The following FANCC variants were observed in gnomAD, a reference collection of about 807,000 sequenced individuals.
FANCC encodes the protein FA complementation group C.
A neutral mutation model predicts 71.3 loss-of-function variants in FANCC; 55 were observed. The ratio of observed to expected loss-of-function variants is 0.77; its 90% confidence interval spans 0.62 to 0.97. FANCC has a LOEUF of 0.97. Ranked by LOEUF, FANCC falls within the 50% of genes least tolerant of loss-of-function variation. The pLI is 0.00. For synonymous variants in FANCC, 275 were observed against 244.9 expected (o/e 1.12, Z -1.15); for missense variants, 678 against 670.9 (o/e 1.01, Z -0.12).
intron 6 of FANCC, among the ~76,000 whole-genome samples, chr9:95,153,676 T>C (rs1018449649): frequency 2.6e-5 from 4 of 152,230 alleles, no homozygotes; most frequent in African/African-American, 9.6e-5. Context: ...GGATTGCTTT[T>C]TTCTTGATTT....
At chr9:95,114,889 A>G (rs2072261250) in intron 11 of FANCC, among the ~76,000 whole-genome samples, 179 bp from the exon 12 acceptor site, 1 of 152,172 alleles carries the variant, frequency 6.6e-6, no homozygotes, top group African/African-American at 2.4e-5. Flanking sequence ...CTGGGGAAGT[A>G]AGATCTGTCC....
At chr9:95,292,179 G>C (rs1250601549) in intron 1 of FANCC, among the ~76,000 whole-genome samples, 1 of 149,158 alleles carries the variant, frequency 6.7e-6, no homozygotes, top group Non-Finnish European at 1.5e-5. Context: ...TTTGACAAAG[G>C]CGCCAAGAAC....
intron 11 of FANCC, 63 bp from the exon 12 acceptor site, chr9:95,114,773 C>A: frequency 7.1e-7 from 1 of 1,401,390 alleles, no homozygotes; most frequent in Non-Finnish European, 1.0e-6. Flanking sequence ...TGAGGAACCA[C>A]CTGCAGGGAT....
chr9:95,183,472 G>A (rs1368187736), intron 4 of FANCC, among the ~76,000 whole-genome samples: 1 of 152,228 alleles, frequency 6.6e-6, no homozygotes, highest in East Asian at 1.9e-4. Flanking sequence ...AGCTAGTGAA[G>A]AACATAATCG....
chr9:95,129,432 ATC>A (rs372197566), intron 8 of FANCC, among the ~76,000 whole-genome samples: 2,008 of 152,084 alleles, frequency 0.013, 40 homozygotes, highest in African/African-American at 0.045. Flanking sequence ...TCCCCCCTAA[ATC>A]TCTGTAGCAT....
intron 3 of FANCC, among the ~76,000 whole-genome samples, chr9:95,243,532 C>T (rs555169223): frequency 6.6e-6 from 1 of 152,150 alleles, no homozygotes; most frequent in Admixed American, 6.5e-5. Context: ...CACCTGTAAT[C>T]CCAGCACTTT....
intron 8 of FANCC, chr9:95,126,968 G>A (rs1358684356): frequency 3.8e-6 from 1 of 264,872 alleles, no homozygotes; most frequent in African/African-American, 2.2e-5. Context: ...CAAATGGCTA[G>A]ATGTGCCTCG....
At chr9:95,316,127 T>G (rs1035811149) in intron 1 of FANCC, among the ~76,000 whole-genome samples, 1 of 152,248 alleles carries the variant, frequency 6.6e-6, no homozygotes, top group African/African-American at 2.4e-5. Flanking sequence ...GAATGTATAA[T>G]ATACAAAGTA....
chr9:95,312,752 G>A (rs764600906), intron 1 of FANCC, among the ~76,000 whole-genome samples: 1 of 152,250 alleles, frequency 6.6e-6, no homozygotes, highest in Non-Finnish European at 1.5e-5. Context: ...GATATAAGGA[G>A]GAGCCACTGC....
chr9:95,265,971 G>A (rs1330131749), intron 1 of FANCC, among the ~76,000 whole-genome samples: 1 of 152,204 alleles, frequency 6.6e-6, no homozygotes, highest in South Asian at 2.1e-4. Context: ...AGGGGCACCA[G>A]CCCGGCATGG....
At chr9:95,126,357 T>G (rs1017441561) in intron 9 of FANCC, among the ~76,000 whole-genome samples, 172 bp downstream of exon 9, 4 of 152,220 alleles carry the variant, frequency 2.6e-5, no homozygotes, top group African/African-American at 7.2e-5. Context: ...AAATTTACAC[T>G]GATTTTTGAG....
At chr9:95,108,314 C>A (rs1011936106) in intron 13 of FANCC, among the ~76,000 whole-genome samples, 4 of 152,242 alleles carry the variant, frequency 2.6e-5, no homozygotes, top group East Asian at 3.9e-4. Context: ...ACTCTCCCCA[C>A]CTCGCCCCTC....
intron 4 of FANCC, among the ~76,000 whole-genome samples, chr9:95,203,886 C>T (rs1827954656): frequency 6.6e-6 from 1 of 152,088 alleles, no homozygotes; most frequent in African/African-American, 2.4e-5. Context: ...TAAAGAAAAT[C>T]CAGCATAATA....
intron 1 of FANCC, among the ~76,000 whole-genome samples, chr9:95,263,209 C>T (rs1458766328): frequency 6.6e-6 from 1 of 152,154 alleles, no homozygotes; most frequent in African/African-American, 2.4e-5. Context: ...TGCATCCCTG[C>T]CCTGCTGTCT....
At chr9:95,108,147 T>C (rs570080916) in intron 13 of FANCC, among the ~76,000 whole-genome samples, 120 of 152,356 alleles carry the variant, frequency 7.9e-4, no homozygotes, top group Non-Finnish European at 1.2e-3. Flanking sequence ...GCGTTTTTTT[T>C]CCCTGGAAGT....
At chr9:95,159,432 T>C (rs565206819) in intron 6 of FANCC, among the ~76,000 whole-genome samples, 18 of 152,350 alleles carry the variant, frequency 1.2e-4, no homozygotes, top group East Asian at 5.8e-4. Flanking sequence ...CAGTCTATCA[T>C]TGATGGACAT....
At chr9:95,103,434 G>C (rs1460342469) in intron 14 of FANCC, among the ~76,000 whole-genome samples, 1 of 152,188 alleles carries the variant, frequency 6.6e-6, no homozygotes. Flanking sequence ...GCTAACTTTT[G>C]CTGTTGTTGC....
At chr9:95,176,774 T>A (rs575057508) in intron 4 of FANCC, among the ~76,000 whole-genome samples, 1 of 152,204 alleles carries the variant, frequency 6.6e-6, no homozygotes, top group Non-Finnish European at 1.5e-5. Flanking sequence ...TGGAAAGTAA[T>A]GTAGTATGTA....
chr9:95,229,134 C>T (rs1829822216), intron 4 of FANCC, among the ~76,000 whole-genome samples: 1 of 151,946 alleles, frequency 6.6e-6, no homozygotes, highest in Non-Finnish European at 1.5e-5. Flanking sequence ...CCCATTTCTA[C>T]TAAAAATGCA....
Sources: allele counts gnomAD v4.1 joint callset (sites outside exome capture counted in the v4.1 genomes callset), GRCh38; gene constraint gnomAD v4.1.1; transcripts MANE v1.5; gene names NCBI Gene and HGNC (gene_info 2026-07-23, HGNC 2026-07-21).